SMAP1: variants seen among roughly 807,000 people sequenced by gnomAD.
SMAP1 encodes the protein small ArfGAP 1.
Under a neutral mutation model 58.5 loss-of-function variants are expected in SMAP1, and 24 were observed. The ratio of observed to expected loss-of-function variants is 0.41; its 90% CI spans 0.30 to 0.58. The LOEUF is 0.58. Ranked by LOEUF, SMAP1 falls within the 20% of genes least tolerant of loss-of-function variation. The pLI is 0.29. For missense variants in SMAP1, 563 were observed against 566.3 expected, an observed-to-expected ratio of 0.99 and a Z score of 0.06; for synonymous variants, 216 against 196.6, an observed-to-expected ratio of 1.10 and a Z score of -0.82.
intron 1 of SMAP1, among the ~76,000 whole-genome samples, chr6:70,708,109 T>A (rs1171223333): frequency 6.6e-6 from 1 of 152,150 alleles, no homozygotes; most frequent in African/African-American, 2.4e-5. Flanking sequence ...CCCTTTGACC[T>A]CCCTCTTCCT....
chr6:70,801,175 A>T (rs1768833338), intron 6 of SMAP1, among the ~76,000 whole-genome samples: 1 of 152,108 alleles, frequency 6.6e-6, no homozygotes, highest in African/African-American at 2.4e-5. Context: ...CCTCTCCAAC[A>T]TCTGTTGCTT....
chr6:70,829,979 T>A (rs1770292570), intron 6 of SMAP1, among the ~76,000 whole-genome samples: 1 of 152,198 alleles, frequency 6.6e-6, no homozygotes, highest in Admixed American at 6.5e-5. Context: ...GGGGTAGCGT[T>A]AATGAATCAC....
At chr6:70,854,353 GGT>G (rs1206395006) in intron 8 of SMAP1, among the ~76,000 whole-genome samples, 2 of 152,168 alleles carry the variant, frequency 1.3e-5, no homozygotes, top group African/African-American at 4.8e-5. Flanking sequence ...CAGGTATGGT[GGT>G]TCATGCCTGT....
At position 70,667,989 on chromosome 6, in the gene SMAP1, C is replaced by T. The variant is rs777946675; in HGVS notation, c.-35C>T. 6.5e-7 allele frequency: 1 copy of T among 1,542,200 alleles called. No individual in the cohort carries two copies. The highest frequency in any genetic ancestry group is 1.2e-5 in the South Asian group (1 of 84,692). The stretch of plus-strand genomic sequence containing the variant: ...GGCTCCAGCCAGCGTCCGCCGCCGC[C>T]GTAGCTGCCCCAGGCTCCCCGCCCC... On this transcript the variant is annotated 5_prime_UTR_variant, in exon 1 of 11. Coordinates refer to ENST00000370455, the MANE Select transcript of SMAP1 (RefSeq NM_001044305.3).
chr6:70,668,098 G>A lies in SMAP1; in HGVS notation c.75G>A (p.Leu25=). The change falls in exon 1 of 11, where the codon CTG becomes CTA. Residue 25 remains leucine, a synonymous_variant. Transcript: ENST00000370455. ...EQHQLILSKL[L]REEDNKYCAD... ...ACCAGCTCATCCTATCCAAGCTTCT[G>A]AGGGAGGAGGACAACAAGTACTGCG... is the stretch of plus-strand genomic sequence containing the variant. The A allele has an allele frequency of 6.2e-7, 1 of 1,604,534 alleles. No individual in the cohort carries two copies. Among genetic ancestry groups the A allele is most frequent in the Non-Finnish European group, 8.5e-7 (1 of 1,176,200 alleles).
chr6:70,668,476 G>A (rs1766128410), intron 1 of SMAP1: 3 of 1,443,512 alleles, frequency 2.1e-6, no homozygotes, highest in East Asian at 2.5e-5. Flanking sequence ...ACCGGGCACG[G>A]GTCTGGGCAG....
At chr6:70,708,543 T>C (rs1767930540) in intron 1 of SMAP1, among the ~76,000 whole-genome samples, 1 of 152,214 alleles carries the variant, frequency 6.6e-6, no homozygotes, top group Admixed American at 6.5e-5. Context: ...ATCTGCATAC[T>C]CCTTTCCATA....
chr6:70,675,198 GT>G (rs67744035), intron 1 of SMAP1, among the ~76,000 whole-genome samples: 11,751 of 106,992 alleles, frequency 0.11, 525 homozygotes, highest in Non-Finnish European at 0.14. Flanking sequence ...ATTATATAGT[GT>G]TTTTTTTTTT....
chr6:70,731,075 C>T (rs1373601682), intron 1 of SMAP1, among the ~76,000 whole-genome samples: 1 of 152,342 alleles, frequency 6.6e-6, no homozygotes, highest in Middle Eastern at 3.4e-3. Context: ...GCTGGGATTA[C>T]AGGCATGAGC....
chr6:70,852,747 GT>G lies in SMAP1; in HGVS notation c.789+86del, dbSNP rs540903980. 272 of 1,393,412 alleles carry G rather than the reference GT, an allele frequency of 2.0e-4. 2 individuals carry two copies. The African/African-American group carries it at 3.3e-3, about 17-fold the overall frequency. The allele number at this position is 1,393,412 out of a possible 1,614,324, so 86.3% of individuals were successfully genotyped here. On this transcript the variant is annotated intron_variant, in intron 8 of 10. Transcript: ENST00000370455. The stretch of plus-strand genomic sequence containing the variant: ...TCAAAATTTCAATTTTGGAAGAATT[GT>G]TTCTGAGCAGTAACTGATTTAAAAG...
At chr6:70,769,924 A>G (rs1767197321) in intron 3 of SMAP1, among the ~76,000 whole-genome samples, 1 of 151,528 alleles carries the variant, frequency 6.6e-6, no homozygotes, top group South Asian at 2.1e-4. Flanking sequence ...TGCTTCCTTC[A>G]GGAGCTCTCT....
intron 2 of SMAP1, among the ~76,000 whole-genome samples, chr6:70,736,534 G>A (rs1261088143): frequency 1.3e-5 from 2 of 152,178 alleles, no homozygotes; most frequent in African/African-American, 2.4e-5. Flanking sequence ...AATTGTTTCA[G>A]TATGGAAATT....
chr6:70,769,252 A>C (rs548493443), intron 3 of SMAP1, among the ~76,000 whole-genome samples: 70 of 152,310 alleles, frequency 4.6e-4, no homozygotes, highest in African/African-American at 1.5e-3. Context: ...AGAGTTCTGT[A>C]GATGTCTATT....
intron 6 of SMAP1, among the ~76,000 whole-genome samples, chr6:70,827,788 G>C (rs1770196253): frequency 6.6e-6 from 1 of 152,198 alleles, no homozygotes; most frequent in Non-Finnish European, 1.5e-5. Context: ...GTTTGGGGCG[G>C]TAGTGTCCAT....
rs58133069 is a variant in SMAP1 at position 70,677,432 on chromosome 6, C to CTTTTTT, written c.118+9314_118+9319dup. On this transcript the variant is annotated intron_variant, in intron 1 of 10. Transcript: ENST00000370455. The stretch of plus-strand genomic sequence containing the variant: ...TCTTGAATCCCATACCTTGTCACTT[C>CTTTTTT]TTTTTTTTTTTTTTTTTTTTTTTTT... Among the ~76,000 whole-genome samples the CTTTTTT allele has an allele frequency of 8.3e-5, 5 of 60,376 alleles. 1 individual carries two copies. Among genetic ancestry groups the CTTTTTT allele is most frequent in the Non-Finnish European group, 1.1e-4 (4 of 36,020 alleles). The allele number at this position is 60,376 out of a possible 152,430, so 39.6% of individuals were successfully genotyped here.
At chr6:70,772,903 T>G (rs1434772675) in intron 3 of SMAP1, 1 of 154,408 alleles carries the variant, frequency 6.5e-6, no homozygotes, top group Non-Finnish European at 1.4e-5. Context: ...ACTAATAATA[T>G]GCACATTCGT....
At chr6:70,743,807 G>A (rs909842875) in intron 2 of SMAP1, among the ~76,000 whole-genome samples, 1 of 152,184 alleles carries the variant, frequency 6.6e-6, no homozygotes, top group Non-Finnish European at 1.5e-5. Context: ...GCAGCCTATA[G>A]CATTGGGTTA....
chr6:70,739,924 A>G (rs980852702), intron 2 of SMAP1, among the ~76,000 whole-genome samples: 3 of 151,404 alleles, frequency 2.0e-5, no homozygotes, highest in African/African-American at 4.9e-5. Context: ...TTAATTCTGA[A>G]TATTTCTTAT....
intron 1 of SMAP1, among the ~76,000 whole-genome samples, chr6:70,683,329 C>G (rs1035143130): frequency 6.6e-6 from 1 of 151,800 alleles, no homozygotes; most frequent in African/African-American, 2.4e-5. Context: ...GCCACCACGC[C>G]TGGCTAATTT....
Sources: gnomAD v4.1 joint callset for allele counts (sites outside exome capture counted in the v4.1 genomes callset) on GRCh38, gnomAD v4.1.1 for gene constraint, MANE v1.5 for transcripts, NCBI Gene and HGNC (gene_info 2026-07-23, HGNC 2026-07-21) for gene names.